Variants in CNTNAP2 observed in about 807,000 individuals in gnomAD.
CNTNAP2 encodes contactin-associated protein-like 2.
CNTNAP2 carries 98 observed loss-of-function variants against 155.2 expected under a neutral mutation model. The observed-to-expected ratio is 0.63, with a 90% CI of 0.54 to 0.75. The LOEUF (loss-of-function observed/expected upper bound fraction) is 0.75, where lower values mean the gene tolerates loss of function less well. Among genes scored for constraint, CNTNAP2 ranks in the 30% least tolerant of loss-of-function variants. The probability of loss-of-function intolerance (pLI) is 0.00; values close to 1 mark genes in which losing one functional copy is unlikely to be tolerated. For missense variants in CNTNAP2, 1,727 were observed against 1,688.1 expected, an observed-to-expected ratio of 1.02 and a Z score of -0.40; for synonymous variants, 651 against 631.2, an observed-to-expected ratio of 1.03 and a Z score of -0.47.
intron 3 of CNTNAP2, among the ~76,000 whole-genome samples, chr7:147,038,216 C>T (rs914625251): frequency 1.3e-5 from 2 of 152,016 alleles, no homozygotes; most frequent in Non-Finnish European, 2.9e-5. Context: ...TTTTGAGAAT[C>T]CTGAAGAAAA....
chr7:147,099,672 G>A lies in CNTNAP2; in HGVS notation c.551-8475G>A, dbSNP rs1800616455. On this transcript the variant is annotated intron_variant, in intron 4 of 23. Coordinates refer to ENST00000361727, the MANE Select transcript of CNTNAP2 (RefSeq NM_014141.6). ...GATATTTTAAATGGAATTAGAAGGT[G>A]AACTGAATAGAGATTTTAAAAATTC... is the stretch of plus-strand genomic sequence containing the variant. Among the ~76,000 whole-genome samples, 3 of 152,146 alleles carry A rather than the reference G, an allele frequency of 2.0e-5. No homozygotes were observed. The South Asian group carries it at 6.2e-4, about 32-fold the overall frequency.
chr7:146,584,115 A>T (rs1798652263), intron 1 of CNTNAP2, among the ~76,000 whole-genome samples: 1 of 152,214 alleles, frequency 6.6e-6, no homozygotes, highest in South Asian at 2.1e-4. Flanking sequence ...AAAAGTACTA[A>T]CATAAGGAGA....
At chr7:146,762,963 G>A (rs1319841590) in intron 1 of CNTNAP2, among the ~76,000 whole-genome samples, 2 of 152,128 alleles carry the variant, frequency 1.3e-5, no homozygotes, top group South Asian at 2.1e-4. Flanking sequence ...ATTCAGATGC[G>A]ATTTGGGTGG....
intron 13 of CNTNAP2, among the ~76,000 whole-genome samples, chr7:147,796,162 C>G (rs756024988): frequency 3.9e-5 from 6 of 152,132 alleles, no homozygotes; most frequent in Non-Finnish European, 7.4e-5. Context: ...AGAATAAAAG[C>G]TTTATGTGGA....
intron 1 of CNTNAP2, among the ~76,000 whole-genome samples, chr7:146,730,376 T>C (rs1451735192): frequency 6.6e-6 from 1 of 152,122 alleles, no homozygotes; most frequent in Non-Finnish European, 1.5e-5. Context: ...CCCTAGGCCT[T>C]GGACATATTT....
At chr7:147,258,720 G>A (rs1052145360) in intron 8 of CNTNAP2, among the ~76,000 whole-genome samples, 1 of 152,130 alleles carries the variant, frequency 6.6e-6, no homozygotes, top group Non-Finnish European at 1.5e-5. Context: ...GGAAACTGAG[G>A]CCTGGAGAGT....
intron 21 of CNTNAP2, among the ~76,000 whole-genome samples, chr7:148,278,779 A>G (rs1254174060): frequency 6.6e-6 from 1 of 152,234 alleles, no homozygotes; most frequent in African/African-American, 2.4e-5. Context: ...AATAAGTGCT[A>G]TGAAGAAAAG....
intron 1 of CNTNAP2, among the ~76,000 whole-genome samples, chr7:146,766,648 C>T (rs1034140515): frequency 3.9e-5 from 6 of 152,170 alleles, no homozygotes; most frequent in Admixed American, 2.6e-4. Context: ...TACTACCCAT[C>T]TCAATGGGTT....
intron 3 of CNTNAP2, among the ~76,000 whole-genome samples, chr7:146,941,063 C>T (rs1053102181): frequency 6.6e-6 from 1 of 151,944 alleles, no homozygotes; most frequent in Non-Finnish European, 1.5e-5. Flanking sequence ...TTAAACCATT[C>T]AGCCACTTCT....
chr7:147,564,119 G>A (rs1471856875), intron 12 of CNTNAP2, among the ~76,000 whole-genome samples: 1 of 152,072 alleles, frequency 6.6e-6, no homozygotes, highest in Non-Finnish European at 1.5e-5. Flanking sequence ...GCAGTGAGTT[G>A]TGATCACACT....
chr7:147,215,963 G>C (rs1442377970), intron 8 of CNTNAP2, among the ~76,000 whole-genome samples: 1 of 152,030 alleles, frequency 6.6e-6, no homozygotes, highest in Non-Finnish European at 1.5e-5. Flanking sequence ...CTTTTTATAT[G>C]CTTATTTGCC....
At chr7:147,525,774 G>A (rs1434940138) in intron 11 of CNTNAP2, among the ~76,000 whole-genome samples, 3 of 152,130 alleles carry the variant, frequency 2.0e-5, no homozygotes, top group Non-Finnish European at 4.4e-5. Context: ...TTTACTAACT[G>A]TATTAATATT....
At chr7:146,828,717 T>C (rs890001975) in intron 2 of CNTNAP2, among the ~76,000 whole-genome samples, 80 of 152,164 alleles carry the variant, frequency 5.3e-4, no homozygotes, top group African/African-American at 1.9e-3. Flanking sequence ...ACATCATTTA[T>C]ACTGTTTAGT....
In CNTNAP2 at chr7:147,195,327, T is replaced by G. The variant is rs1802767687; in HGVS notation, c.1348+62818T>G. On this transcript the variant is annotated intron_variant, in intron 8 of 23. Coordinates refer to ENST00000361727, the MANE Select transcript of CNTNAP2 (RefSeq NM_014141.6). The stretch of plus-strand genomic sequence containing the variant: ...CATGCTGTTTTGGTTACTGTGGTCT[T>G]ATAGGATAGTTTGAAGTTAGGTAGC... Among the ~76,000 whole-genome samples the G allele has an allele frequency of 1.3e-5, 2 of 152,226 alleles. 1 individual carries two copies. The highest frequency in any genetic ancestry group is 1.3e-4 in the Admixed American group (2 of 15,286).
chr7:146,186,774 T>C (rs1340677890), intron 1 of CNTNAP2, among the ~76,000 whole-genome samples: 2 of 152,210 alleles, frequency 1.3e-5, no homozygotes, highest in Non-Finnish European at 2.9e-5. Flanking sequence ...ATGTCCCTTC[T>C]ACCTGGAAGT....
intron 1 of CNTNAP2, among the ~76,000 whole-genome samples, chr7:146,168,344 G>A (rs948261346): frequency 6.6e-6 from 1 of 151,872 alleles, no homozygotes; most frequent in Non-Finnish European, 1.5e-5. Context: ...ATAATGTAAG[G>A]ACTCAATATT....
At chr7:147,962,939 C>A (rs1801137968) in intron 14 of CNTNAP2, among the ~76,000 whole-genome samples, 1 of 152,098 alleles carries the variant, frequency 6.6e-6, no homozygotes, top group South Asian at 2.1e-4. Context: ...TTATCAAAAT[C>A]TTGCCTTCCA....
At chr7:147,593,583 A>G (rs573868844) in intron 12 of CNTNAP2, among the ~76,000 whole-genome samples, 3 of 152,168 alleles carry the variant, frequency 2.0e-5, no homozygotes, top group African/African-American at 7.2e-5. Flanking sequence ...TAAAATATCA[A>G]TTTTAGAGGA....
intron 15 of CNTNAP2, among the ~76,000 whole-genome samples, chr7:148,055,541 G>A (rs1802990612): frequency 6.6e-6 from 1 of 152,134 alleles, no homozygotes; most frequent in Non-Finnish European, 1.5e-5. Context: ...TCTGTAAAAT[G>A]GGACAATGAT....
Sources: gnomAD v4.1 joint callset for allele counts (sites outside exome capture counted in the v4.1 genomes callset) on GRCh38, gnomAD v4.1.1 for gene constraint, MANE v1.5 for transcripts, NCBI Gene and HGNC (gene_info 2026-07-23, HGNC 2026-07-21) for gene names.